Variants in SCAPER observed in about 807,000 individuals in gnomAD.
SCAPER encodes the protein S phase cyclin A-associated protein in the endoplasmic reticulum.
In SCAPER, 98 loss-of-function variants were observed where a neutral mutation model predicts 182.2. The ratio of observed to expected loss-of-function variants is 0.54; its 90% CI spans 0.46 to 0.64. The LOEUF (loss-of-function observed/expected upper bound fraction) is 0.64, where lower values mean the gene tolerates loss of function less well. SCAPER is among the 30% of genes least tolerant of loss of function. SCAPER has a pLI of 0.00. For missense variants in SCAPER, 1,432 were observed against 1,690.0 expected, an observed-to-expected ratio of 0.85 and a Z score of 2.68; for synonymous variants, 605 against 564.6, an observed-to-expected ratio of 1.07 and a Z score of -1.01.
intron 26 of SCAPER, among the ~76,000 whole-genome samples, chr15:76,427,902 C>T (rs984652009): frequency 1.3e-5 from 2 of 149,596 alleles, no homozygotes; most frequent in African/African-American, 2.5e-5. Context: ...CACTGAACTC[C>T]AGCCTGGGTG....
intron 25 of SCAPER, among the ~76,000 whole-genome samples, chr15:76,453,026 G>A (rs8027086): frequency 0.048 from 7,321 of 152,098 alleles, 536 homozygotes; most frequent in African/African-American, 0.15. Context: ...TAGTGATGGG[G>A]TCTTGCTATG....
chr15:76,460,286 G>T (rs1386485500), intron 25 of SCAPER, among the ~76,000 whole-genome samples: 1 of 151,864 alleles, frequency 6.6e-6, no homozygotes, highest in Non-Finnish European at 1.5e-5. Flanking sequence ...CACCTTTTTG[G>T]CTAAATTCAT....
intron 17 of SCAPER, among the ~76,000 whole-genome samples, chr15:76,710,941 A>G (rs1166988507): frequency 2.0e-5 from 3 of 152,154 alleles, no homozygotes; most frequent in African/African-American, 7.2e-5. Context: ...ATCAATGATC[A>G]ATTGATCTTT....
rs898479824 is a variant in SCAPER at position 76,726,237 on chromosome 15, T to G, written c.2165+2358A>C. 2.0e-5 allele frequency among the ~76,000 whole-genome samples: 3 copies of G among 146,546 alleles called. No individual in the cohort carries two copies. The South Asian group carries it at 6.4e-4, about 31-fold the overall frequency. On this transcript the variant is annotated intron_variant, in intron 17 of 31. Coordinates refer to ENST00000563290, the MANE Select transcript of SCAPER (RefSeq NM_020843.4). ...AAGTGGTAACCTGTCCCCAAAAATATAAAGAAATGGCCAATAAGCACATGA... is the reference window on the plus strand; with the variant it reads ...AAGTGGTAACCTGTCCCCAAAAATAGAAAGAAATGGCCAATAAGCACATGA...
intron 24 of SCAPER, among the ~76,000 whole-genome samples, chr15:76,502,732 A>C (rs1303726704): frequency 6.6e-6 from 1 of 152,210 alleles, no homozygotes; most frequent in African/African-American, 2.4e-5. Context: ...TTAAAAGAAA[A>C]GAAAACACAA....
chr15:76,578,204 G>T (rs1418781252), intron 22 of SCAPER, among the ~76,000 whole-genome samples: 2 of 152,082 alleles, frequency 1.3e-5, no homozygotes, highest in Non-Finnish European at 2.9e-5. Context: ...GCACCAGGTT[G>T]ATTCCTAAGG....
intron 17 of SCAPER, among the ~76,000 whole-genome samples, chr15:76,709,585 C>G (rs1253267131): frequency 6.6e-6 from 1 of 152,122 alleles, no homozygotes; most frequent in African/African-American, 2.4e-5. Context: ...AAATATTCCC[C>G]CAAAGAAAAA....
At chr15:76,785,303 G>A (rs1359922567) in intron 8 of SCAPER, among the ~76,000 whole-genome samples, 1 of 152,208 alleles carries the variant, frequency 6.6e-6, no homozygotes, top group African/African-American at 2.4e-5. Flanking sequence ...GATCATCAGA[G>A]AAATGCAAAT....
At position 76,450,576 on chromosome 15, in the gene SCAPER, T is replaced by C. The variant is rs150366337; in HGVS notation, c.3079-16266A>G. Among the ~76,000 whole-genome samples, 14 of 152,330 alleles carry C rather than the reference T, an allele frequency of 9.2e-5. 1 individual carries two copies. The highest frequency in any genetic ancestry group is 2.4e-4 in the African/African-American group (10 of 41,574). On this transcript the variant is annotated intron_variant, in intron 25 of 31. Transcript: ENST00000563290. ...ATATATACACATATATATTTTGAGATGGAGTCTTGCTCTGTTGCCCAGGCT... is the reference window on the plus strand; with the variant it reads ...ATATATACACATATATATTTTGAGACGGAGTCTTGCTCTGTTGCCCAGGCT...
intron 23 of SCAPER, among the ~76,000 whole-genome samples, chr15:76,562,148 C>CAAAAAAAAAA (rs66722088): frequency 4.1e-5 from 3 of 74,052 alleles, no homozygotes; most frequent in Admixed American, 1.8e-4. Context: ...AACTTCATCT[C>CAAAAAAAAAA]AAAAAAAAAA....
intron 27 of SCAPER, among the ~76,000 whole-genome samples, chr15:76,388,304 T>C (rs2043422258): frequency 1.3e-5 from 2 of 152,120 alleles, no homozygotes; most frequent in Admixed American, 6.5e-5. Flanking sequence ...TGGAAAATTT[T>C]CTAGGGCTAG....
At chr15:76,829,426 A>G (rs908483029) in intron 5 of SCAPER, among the ~76,000 whole-genome samples, 75 of 152,260 alleles carry the variant, frequency 4.9e-4, no homozygotes, top group Middle Eastern at 3.4e-3. Flanking sequence ...ATGTAAACCT[A>G]ACACTATCTA....
intron 17 of SCAPER, among the ~76,000 whole-genome samples, chr15:76,708,250 T>C (rs2059369061): frequency 6.6e-6 from 1 of 152,176 alleles, no homozygotes; most frequent in Admixed American, 6.5e-5. Context: ...ATTTGTATTA[T>C]TCTTATCACT....
intron 15 of SCAPER, among the ~76,000 whole-genome samples, chr15:76,744,780 G>A (rs1313203411): frequency 5.3e-5 from 8 of 152,114 alleles, no homozygotes; most frequent in Non-Finnish European, 1.2e-4. Context: ...TTCCATTACT[G>A]GGGATATACC....
intron 22 of SCAPER, among the ~76,000 whole-genome samples, chr15:76,618,455 AG>A (rs1390061674): frequency 1.3e-5 from 2 of 152,160 alleles, no homozygotes; most frequent in Non-Finnish European, 2.9e-5. Context: ...TATGAAAAAA[AG>A]GTTGCTATTT....
At chr15:76,422,069 T>C (rs1408926492) in intron 26 of SCAPER, among the ~76,000 whole-genome samples, 1 of 152,232 alleles carries the variant, frequency 6.6e-6, no homozygotes, top group Admixed American at 6.5e-5. Context: ...GCCTCCAGCT[T>C]TGTTCTTTTG....
At chr15:76,352,650 A>T (rs1033180912) in intron 30 of SCAPER, among the ~76,000 whole-genome samples, 1 of 151,532 alleles carries the variant, frequency 6.6e-6, no homozygotes, top group Non-Finnish European at 1.5e-5. Flanking sequence ...GCGTTTTACT[A>T]TGTTGGCCAG....
At chr15:76,884,187 C>G (rs1388365340) in intron 1 of SCAPER, among the ~76,000 whole-genome samples, 2 of 152,182 alleles carry the variant, frequency 1.3e-5, no homozygotes, top group African/African-American at 4.8e-5. Context: ...ATATCTTACC[C>G]AGTTCATACA....
intron 5 of SCAPER, among the ~76,000 whole-genome samples, chr15:76,812,792 G>C (rs2066736501): frequency 6.6e-6 from 1 of 151,654 alleles, no homozygotes; most frequent in Non-Finnish European, 1.5e-5. Context: ...GACTGAAATA[G>C]TATCAAAAAC....
Sources: allele counts gnomAD v4.1 joint callset (sites outside exome capture counted in the v4.1 genomes callset), GRCh38; gene constraint gnomAD v4.1.1; transcripts MANE v1.5; gene names NCBI Gene and HGNC (gene_info 2026-07-23, HGNC 2026-07-21).